The following NLGN1 variants were observed in gnomAD, a reference collection of about 807,000 sequenced individuals.
The protein encoded by NLGN1 is neuroligin-1.
In NLGN1, 12 loss-of-function variants were observed where a neutral mutation model predicts 65.5. That is an observed-to-expected ratio of 0.18 (90% CI 0.12 to 0.30). The LOEUF (loss-of-function observed/expected upper bound fraction) is 0.30. NLGN1 is among the 10% of genes least tolerant of loss of function. NLGN1 has a pLI of 1.00. For synonymous variants in NLGN1, 350 were observed against 359.5 expected (o/e 0.97, Z 0.30); for missense variants, 750 against 1,007.1 (o/e 0.74, Z 3.46).
intron 3 of NLGN1, among the ~76,000 whole-genome samples, chr3:173,764,833 A>AT: frequency 6.6e-6 from 1 of 152,156 alleles, no homozygotes; most frequent in South Asian, 2.1e-4. Flanking sequence ...TATTAGTATC[A>AT]TTTTTCTAGA....
intron 4 of NLGN1, among the ~76,000 whole-genome samples, chr3:173,946,370 G>T (rs149227213): frequency 1.3e-5 from 2 of 152,032 alleles, no homozygotes; most frequent in Admixed American, 1.3e-4. Flanking sequence ...TAGGAAGGTT[G>T]CATTTTACAT....
chr3:173,933,215 C>A (rs1744432886), intron 4 of NLGN1, among the ~76,000 whole-genome samples: 1 of 152,024 alleles, frequency 6.6e-6, no homozygotes, highest in African/African-American at 2.4e-5. Flanking sequence ...AGAAGGGCAC[C>A]TCCGGTGAAA....
chr3:173,845,663 A>AT (rs1328415534), intron 4 of NLGN1, among the ~76,000 whole-genome samples: 3 of 150,150 alleles, frequency 2.0e-5, no homozygotes, highest in Non-Finnish European at 3.0e-5. Flanking sequence ...TAGACGAATT[A>AT]TTCCAGGAGT....
chr3:173,442,931 A>C (rs1719462933), intron 2 of NLGN1, among the ~76,000 whole-genome samples: 1 of 152,182 alleles, frequency 6.6e-6, no homozygotes, highest in Admixed American at 6.5e-5. Context: ...TATAGTACTA[A>C]GTAAATATAA....
At chr3:173,980,210 A>G (rs1195069543) in intron 4 of NLGN1, among the ~76,000 whole-genome samples, 1 of 152,098 alleles carries the variant, frequency 6.6e-6, no homozygotes, top group African/African-American at 2.4e-5. Context: ...AATATTATGT[A>G]TTAAATAAAG....
At chr3:173,905,969 C>T (rs1738307028) in intron 4 of NLGN1, among the ~76,000 whole-genome samples, 1 of 152,206 alleles carries the variant, frequency 6.6e-6, no homozygotes. Flanking sequence ...TTAAAGAACT[C>T]TTGGACCAAG....
At chr3:174,073,387 G>T (rs1317504547) in intron 4 of NLGN1, among the ~76,000 whole-genome samples, 5 of 151,638 alleles carry the variant, frequency 3.3e-5, no homozygotes, top group Admixed American at 2.0e-4. Context: ...GAATTTTGGC[G>T]GGGGGGCACT....
chr3:173,660,964 A>C (rs1760836513), intron 3 of NLGN1, among the ~76,000 whole-genome samples: 1 of 152,014 alleles, frequency 6.6e-6, no homozygotes, highest in Admixed American at 6.6e-5. Context: ...GAGTTTCCTC[A>C]TTTATAAACA....
intron 2 of NLGN1, among the ~76,000 whole-genome samples, chr3:173,590,865 T>G (rs909428437): frequency 6.6e-6 from 1 of 152,188 alleles, no homozygotes; most frequent in Non-Finnish European, 1.5e-5. Context: ...TATACTTCAC[T>G]TTGATAAATT....
At chr3:174,005,866 G>A (rs879644214) in intron 4 of NLGN1, among the ~76,000 whole-genome samples, 1 of 151,912 alleles carries the variant, frequency 6.6e-6, no homozygotes, top group Non-Finnish European at 1.5e-5. Flanking sequence ...CTGTATGATG[G>A]GGATTATATC....
At chr3:174,230,553 G>A (rs1315946114) in intron 4 of NLGN1, among the ~76,000 whole-genome samples, 1 of 152,102 alleles carries the variant, frequency 6.6e-6, no homozygotes, top group African/African-American at 2.4e-5. Context: ...AATGAGAATA[G>A]GAAAAAAGAT....
chr3:174,041,015 T>C (rs1732185473), intron 4 of NLGN1, among the ~76,000 whole-genome samples: 1 of 152,146 alleles, frequency 6.6e-6, no homozygotes, highest in African/African-American at 2.4e-5. Flanking sequence ...TATATATGTG[T>C]ATGCAATGAA....
chr3:173,808,785 G>A (rs572666887), intron 4 of NLGN1, among the ~76,000 whole-genome samples: 5 of 152,122 alleles, frequency 3.3e-5, no homozygotes, highest in Admixed American at 1.3e-4. Flanking sequence ...ACAAAGAAGC[G>A]CCTCACTCTT....
At chr3:173,456,548 C>T (rs1177858635) in intron 2 of NLGN1, among the ~76,000 whole-genome samples, 1 of 152,108 alleles carries the variant, frequency 6.6e-6, no homozygotes, top group Non-Finnish European at 1.5e-5. Flanking sequence ...TTACAGGAAA[C>T]ATTCAATGAT....
intron 2 of NLGN1, among the ~76,000 whole-genome samples, chr3:173,455,978 T>C (rs1246036306): frequency 2.6e-5 from 4 of 151,964 alleles, no homozygotes; most frequent in Admixed American, 6.6e-5. Flanking sequence ...AGAAAGCAAA[T>C]TGAACATTCC....
chr3:173,455,187 A>T (rs1017923954), intron 2 of NLGN1, among the ~76,000 whole-genome samples: 4 of 152,180 alleles, frequency 2.6e-5, no homozygotes, highest in African/African-American at 9.7e-5. Context: ...TAAAGAAGGG[A>T]GGTTTATTTT....
chr3:173,947,599 A>G (rs548229176), intron 4 of NLGN1, among the ~76,000 whole-genome samples: 78 of 152,336 alleles, frequency 5.1e-4, no homozygotes, highest in African/African-American at 1.8e-3. Context: ...TTATGGATGA[A>G]AAATAATTTT....
At chr3:173,725,028 A>G (rs1433917312) in intron 3 of NLGN1, among the ~76,000 whole-genome samples, 1 of 148,612 alleles carries the variant, frequency 6.7e-6, no homozygotes, top group Non-Finnish European at 1.5e-5. Flanking sequence ...CCAGGGGCCT[A>G]TTGTGGGGTG....
chr3:173,944,968 A>T (rs1205745181), intron 4 of NLGN1, among the ~76,000 whole-genome samples: 1 of 152,120 alleles, frequency 6.6e-6, no homozygotes, highest in Non-Finnish European at 1.5e-5. Context: ...ACAAACTTTG[A>T]TGGTGAAGAG....
Sources: allele counts gnomAD v4.1 joint callset (sites outside exome capture counted in the v4.1 genomes callset), GRCh38; gene constraint gnomAD v4.1.1; transcripts MANE v1.5; gene names NCBI Gene and HGNC (gene_info 2026-07-23, HGNC 2026-07-21).